Variants in STAU2 observed in about 807,000 individuals in gnomAD.
STAU2 encodes the protein staufen double-stranded RNA binding protein 2.
Under a neutral mutation model 65.9 loss-of-function variants are expected in STAU2, and 20 were observed. The ratio of observed to expected loss-of-function variants is 0.30; its 90% CI spans 0.21 to 0.44. The LOEUF (loss-of-function observed/expected upper bound fraction) is 0.44, where lower values mean the gene tolerates loss of function less well. STAU2 is among the 20% of genes least tolerant of loss of function. The pLI, the probability that STAU2 is intolerant of heterozygous loss-of-function variation, is 1.00. For missense variants in STAU2, 558 were observed against 683.9 expected (o/e 0.82, Z 2.05); for synonymous variants, 232 against 233.9 (o/e 0.99, Z 0.07).
intron 5 of STAU2, 133 bp downstream of exon 5, chr8:73,688,518 GTGT>G: frequency 1.2e-5 from 8 of 681,574 alleles, no homozygotes; most frequent in South Asian, 1.8e-5. Context: ...GTGTGTGTGT[GTGT>G]GTGTGTGTGT....
chr8:73,689,349 T>C (rs1819165798), intron 4 of STAU2, among the ~76,000 whole-genome samples: 1 of 152,198 alleles, frequency 6.6e-6, no homozygotes, highest in African/African-American at 2.4e-5. Flanking sequence ...TAAATATTTC[T>C]CAAATCTTCT....
At chr8:73,502,421 A>G (rs1468628167) in intron 13 of STAU2, among the ~76,000 whole-genome samples, 3 of 151,896 alleles carry the variant, frequency 2.0e-5, no homozygotes, top group African/African-American at 7.3e-5. Flanking sequence ...CCTAGTGTCC[A>G]AGATGCTTCA....
intron 6 of STAU2, among the ~76,000 whole-genome samples, chr8:73,641,429 A>C (rs1351643734): frequency 6.6e-6 from 1 of 152,224 alleles, no homozygotes; most frequent in African/African-American, 2.4e-5. Flanking sequence ...GGTAATACTG[A>C]AATGTCTTAG....
intron 4 of STAU2, among the ~76,000 whole-genome samples, chr8:73,707,000 T>C (rs560271085): frequency 6.6e-6 from 1 of 152,278 alleles, no homozygotes; most frequent in African/African-American, 2.4e-5. Flanking sequence ...TCCTTTACCA[T>C]ATATAGAGGA....
intron 5 of STAU2, among the ~76,000 whole-genome samples, chr8:73,681,425 T>A (rs1818422134): frequency 6.6e-6 from 1 of 152,136 alleles, no homozygotes; most frequent in African/African-American, 2.4e-5. Context: ...GCTGAGAGAA[T>A]TTGCCACTAT....
intron 6 of STAU2, among the ~76,000 whole-genome samples, chr8:73,657,403 C>T (rs190680150): frequency 1.3e-5 from 2 of 151,972 alleles, no homozygotes; most frequent in African/African-American, 4.8e-5. Flanking sequence ...GTAATTTGTA[C>T]ATGAAAGGGA....
At chr8:73,470,402 G>T (rs1819923193) in intron 13 of STAU2, among the ~76,000 whole-genome samples, 1 of 152,126 alleles carries the variant, frequency 6.6e-6, no homozygotes, top group Admixed American at 6.5e-5. Context: ...CCCAATACAG[G>T]GTAGCAACAG....
At chr8:73,699,017 T>C (rs1472831519) in intron 4 of STAU2, among the ~76,000 whole-genome samples, 1 of 148,162 alleles carries the variant, frequency 6.7e-6, no homozygotes, top group Non-Finnish European at 1.5e-5. Flanking sequence ...GGAATAAAAC[T>C]ACAAATCAAT....
chr8:73,466,967 T>C (rs1370641401), intron 13 of STAU2, among the ~76,000 whole-genome samples: 14 of 152,210 alleles, frequency 9.2e-5, no homozygotes, highest in Non-Finnish European at 2.9e-5. Flanking sequence ...CTCCCCTGCC[T>C]GAAATGGCCT....
intron 6 of STAU2, among the ~76,000 whole-genome samples, chr8:73,658,943 C>CAACAACAAAA (rs373405572): frequency 1.4e-5 from 2 of 141,886 alleles, no homozygotes; most frequent in African/African-American, 2.5e-5. Flanking sequence ...ACAAAAACAA[C>CAACAACAAAA]AAAAAAAAAA....
chr8:73,724,328 C>T (rs767058561), intron 3 of STAU2, among the ~76,000 whole-genome samples: 5 of 152,062 alleles, frequency 3.3e-5, no homozygotes, highest in African/African-American at 1.2e-4. Context: ...AGTCCCCATC[C>T]GTCCTTCTTA....
At chr8:73,534,100 A>T (rs967700259) in intron 13 of STAU2, among the ~76,000 whole-genome samples, 1 of 152,206 alleles carries the variant, frequency 6.6e-6, no homozygotes, top group Non-Finnish European at 1.5e-5. Context: ...TTAAGAAAAC[A>T]TGTATTTGAT....
In STAU2 at chr8:73,647,055, C is replaced by T. The variant is rs1815439957; in HGVS notation, c.410+26052G>A. Among the ~76,000 whole-genome samples, 5 of 148,926 alleles carry T rather than the reference C, an allele frequency of 3.4e-5. No individual in the cohort carries two copies. In the South Asian group the frequency reaches 1.1e-3, roughly 32 times the overall value. On this transcript the variant is annotated intron_variant, in intron 6 of 14. Coordinates refer to ENST00000524300, the MANE Select transcript of STAU2 (RefSeq NM_001164380.2). Reference sequence around the variant, plus strand: ...GATATATAACTACACATCAGAATGACCAAAATAAAAATAGTGACAACCACA... The same window carrying T: ...GATATATAACTACACATCAGAATGATCAAAATAAAAATAGTGACAACCACA...
rs1030230419 is a variant in STAU2 at position 73,595,042 on chromosome 8, T to A, written c.1161+124A>T. On this transcript the variant is annotated intron_variant, in intron 11 of 14. Coordinates refer to ENST00000524300, the MANE Select transcript of STAU2 (RefSeq NM_001164380.2). ...TATGTTATTTTGTGCTTGGATCATC[T>A]ATCTTTGTATTGCCTCAGAAAAGTT... 2.2e-5 allele frequency: 15 copies of A among 685,782 alleles called. No homozygotes were observed. In the African/African-American group the frequency reaches 2.4e-4, roughly 11 times the overall value. 42.5% of individuals were successfully genotyped at this position (685,782 alleles called of 1,614,324 possible). A position where few individuals can be genotyped will look rare whatever the true frequency, so the allele number is the denominator to read the frequency against.
At chr8:73,614,683 T>C (rs1265713929) in intron 8 of STAU2, among the ~76,000 whole-genome samples, 2 of 152,204 alleles carry the variant, frequency 1.3e-5, no homozygotes, top group Non-Finnish European at 2.9e-5. Flanking sequence ...TCCTACATCA[T>C]AATATATTGA....
At chr8:73,634,457 G>A (rs1814341756) in intron 6 of STAU2, among the ~76,000 whole-genome samples, 1 of 152,064 alleles carries the variant, frequency 6.6e-6, no homozygotes, top group South Asian at 2.1e-4. Flanking sequence ...GAACCTGGGA[G>A]GCAGAAGACA....
At position 73,527,901 on chromosome 8, in the gene STAU2, A is replaced by T. The variant is rs543700439; in HGVS notation, c.1530+24111T>A. 2.6e-3 allele frequency: 143 copies of T among 54,520 alleles called. 3 individuals carry two copies. The East Asian group carries it at 0.076, about 29-fold the overall frequency. 3.4% of individuals were successfully genotyped at this position (54,520 alleles called of 1,614,324 possible). A position where few individuals can be genotyped will look rare whatever the true frequency, so the allele number is the denominator to read the frequency against. On this transcript the variant is annotated intron_variant, in intron 13 of 14. Transcript: ENST00000524300. ...AAAGGGTCTAGATTTCACAGAACAC[A>T]CTTTAAATATTTAAAACCTTATTGA...
chr8:73,639,199 A>C (rs1266935530), intron 6 of STAU2, among the ~76,000 whole-genome samples: 2 of 152,088 alleles, frequency 1.3e-5, no homozygotes, highest in African/African-American at 4.8e-5. Context: ...CATTAATTTC[A>C]CTGGTTCGAG....
chr8:73,616,082 T>TA (rs1393317986), intron 7 of STAU2, among the ~76,000 whole-genome samples: 7 of 152,296 alleles, frequency 4.6e-5, no homozygotes, highest in African/African-American at 1.7e-4. Context: ...ACTCTTGTTT[T>TA]AGAGTTCTCT....
Sources: allele counts gnomAD v4.1 joint callset (sites outside exome capture counted in the v4.1 genomes callset), GRCh38; gene constraint gnomAD v4.1.1; transcripts MANE v1.5; gene names NCBI Gene and HGNC (gene_info 2026-07-23, HGNC 2026-07-21).